GPSM1: variants seen among roughly 807,000 people sequenced by gnomAD.
GPSM1 encodes the protein G protein signaling modulator 1.
Under a neutral mutation model 70.5 loss-of-function variants are expected in GPSM1, and 48 were observed. The ratio of observed to expected loss-of-function variants is 0.68; its 90% confidence interval spans 0.54 to 0.87. GPSM1 has a LOEUF of 0.87. Ranked by LOEUF, GPSM1 falls within the 40% of genes least tolerant of loss-of-function variation. GPSM1 has a pLI of 0.00. For missense variants in GPSM1, 981 were observed against 972.6 expected, an observed-to-expected ratio of 1.01 and a Z score of -0.11; for synonymous variants, 416 against 430.1, an observed-to-expected ratio of 0.97 and a Z score of 0.41.
intron 1 of GPSM1, among the ~76,000 whole-genome samples, chr9:136,331,332 C>CA: frequency 6.7e-6 from 1 of 149,694 alleles, no homozygotes; most frequent in Non-Finnish European, 1.5e-5. Flanking sequence ...GAGGGCCCGG[C>CA]AGACGTGGGG....
intron 9 of GPSM1, among the ~76,000 whole-genome samples, chr9:136,346,001 G>A (rs28666056): frequency 0.046 from 7,042 of 152,282 alleles, 556 homozygotes; most frequent in African/African-American, 0.16. Flanking sequence ...CCCTGATCCC[G>A]CTGACCACTG....
Position 136,336,578 on chromosome 9 carries a change from AC to A in GPSM1, c.427-337del, listed in dbSNP as rs1288380525. 5.8e-4 allele frequency among the ~76,000 whole-genome samples: 88 copies of A among 151,346 alleles called. 1 individual carries two copies. Among genetic ancestry groups the A allele is most frequent in the African/African-American group, 2.0e-3 (83 of 41,184 alleles). Reference sequence around the variant, plus strand: ...AACCAAGGCTGGGGGGACGTGACTTACCCCCCGTCACACAGCTGGAGGTGAC... The same window carrying A: ...AACCAAGGCTGGGGGGACGTGACTTACCCCCGTCACACAGCTGGAGGTGAC... On this transcript the variant is annotated intron_variant, in intron 3 of 13. Transcript: ENST00000440944.
At chr9:136,354,959 A>C (rs1337170838) in intron 11 of GPSM1, 13 of 1,033,954 alleles carry the variant, frequency 1.3e-5, no homozygotes, top group Non-Finnish European at 1.5e-5. Flanking sequence ...TGACGGACAG[A>C]GGCCTGGACT....
At chr9:136,345,145 G>A (rs1406630080) in intron 9 of GPSM1, among the ~76,000 whole-genome samples, 12 of 152,198 alleles carry the variant, frequency 7.9e-5, no homozygotes, top group Non-Finnish European at 5.9e-5. Flanking sequence ...GGCGGGTGCT[G>A]CCCTGAGGGG....
In GPSM1 at chr9:136,342,566, G is replaced by A. The variant is rs551141889; in HGVS notation, c.1207+1573G>A. Among the ~76,000 whole-genome samples the A allele has an allele frequency of 2.6e-3, 390 of 152,212 alleles. 2 individuals carry two copies. Among genetic ancestry groups the A allele is most frequent in the African/African-American group, 8.8e-3 (367 of 41,566 alleles). On this transcript the variant is annotated intron_variant, in intron 9 of 13. Coordinates refer to ENST00000440944, the MANE Select transcript of GPSM1 (RefSeq NM_001145638.3). This position sits in a 1 kb window ranked among gnomAD's most constrained non-coding sequence, Gnocchi z 5.5. ...TGGCTGGGGCCGCCGCCCGGCTGCC[G>A]CTGTGGGAGGCAGGCTGCACACCTA... is the stretch of plus-strand genomic sequence containing the variant.
chr9:136,349,488 T>A, intron 10 of GPSM1, 99 bp from the exon 11 acceptor site: 1 of 1,073,016 alleles, frequency 9.3e-7, no homozygotes, highest in Admixed American at 2.5e-5. Flanking sequence ...ACGGCGTGCA[T>A]CCATGAAATG....
At chr9:136,336,772 C>T (rs1342897381) in intron 3 of GPSM1, 149 bp from the exon 4 acceptor site, 1 of 758,750 alleles carries the variant, frequency 1.3e-6, no homozygotes, top group Non-Finnish European at 2.1e-6. Context: ...CCTCAGGCTT[C>T]CGCCCCTGCC....
chr9:136,338,142 G>A (rs185252184), intron 6 of GPSM1, among the ~76,000 whole-genome samples, 181 bp downstream of exon 6: 231 of 152,332 alleles, frequency 1.5e-3, no homozygotes, highest in Admixed American at 3.3e-3. Context: ...GGAGGCAGGC[G>A]GTGGGGGAGC....
At chr9:136,331,585 A>G (rs1367235130) in intron 1 of GPSM1, among the ~76,000 whole-genome samples, 1 of 152,188 alleles carries the variant, frequency 6.6e-6, no homozygotes, top group Non-Finnish European at 1.5e-5. Flanking sequence ...TCTGGACGCC[A>G]TTCCTCTTTC....
intron 11 of GPSM1, chr9:136,353,034 G>A (rs1156322408): frequency 2.6e-5 from 25 of 952,964 alleles, no homozygotes; most frequent in South Asian, 4.8e-5. Context: ...CAGCATTGAG[G>A]CAGCACTTGG....
intron 9 of GPSM1, among the ~76,000 whole-genome samples, chr9:136,348,253 C>G (rs1047122302): frequency 1.3e-5 from 2 of 152,188 alleles, no homozygotes; most frequent in Admixed American, 1.3e-4. Context: ...TGGGAGTGGA[C>G]CCACAGGCCC....
Position 136,352,209 on chromosome 9 carries a change from TTGCTGTTGGTG to T in GPSM1, c.1455+2447_1455+2457del, listed in dbSNP as rs1564355328. Among the ~76,000 whole-genome samples, 5 of 50,090 alleles carry T rather than the reference TTGCTGTTGGTG, an allele frequency of 1.0e-4. 1 individual carries two copies. Among genetic ancestry groups the T allele is most frequent in the East Asian group, 2.5e-3 (2 of 810 alleles). The allele number at this position is 50,090 out of a possible 152,430, so 32.9% of individuals were successfully genotyped here. On this transcript the variant is annotated intron_variant, in intron 11 of 13. Coordinates refer to ENST00000440944, the MANE Select transcript of GPSM1 (RefSeq NM_001145638.3). ...TGTTGGTGACACCGATGCTGCGCCG[TTGCTGTTGGTG>T]ACACCGATGCTGCGCCGTTGCTGTT... is the stretch of plus-strand genomic sequence containing the variant.
Position 136,340,757 on chromosome 9 carries a change from C to G in GPSM1, c.1084-113C>G, listed in dbSNP as rs1832367942. ...GAGGCCCAGGGGTCAGTGACCAGTT[C>G]AGGTCACTCAGAAGGTCAGGGACGG... On this transcript the variant is annotated intron_variant, in intron 8 of 13. Transcript: ENST00000440944. The surrounding 1 kb of genome is among the most constrained non-coding windows in gnomAD (Gnocchi z 7.3). 1.6e-5 allele frequency: 23 copies of G among 1,406,706 alleles called. No homozygotes were observed. Among genetic ancestry groups the G allele is most frequent in the Non-Finnish European group, 2.2e-5 (23 of 1,066,602 alleles). 87.1% of individuals were successfully genotyped at this position (1,406,706 alleles called of 1,614,324 possible).
At chr9:136,348,518 G>A (rs1362228434) in intron 9 of GPSM1, among the ~76,000 whole-genome samples, 179 bp from the exon 10 acceptor site, 6 of 152,232 alleles carry the variant, frequency 3.9e-5, no homozygotes, top group African/African-American at 1.4e-4. Context: ...CTTTGACTCT[G>A]ACAGTACAGT....
Position 136,337,513 on chromosome 9 carries a change from CA to C in GPSM1, c.652del (p.Thr218ProfsTer132). 6.4e-7 allele frequency: 1 copy of C among 1,561,302 alleles called. No individual in the cohort carries two copies. The highest frequency in any genetic ancestry group is 8.7e-7 in the Non-Finnish European group (1 of 1,152,668). ...QGRAYGNLGN[T>X]HYLLGNFTEA... ...GCAGGGCCTACGGCAACCTGGGCAA[CA>C]CCCACTATTTGTTGGGGAACTTCAC... On this transcript the variant is annotated frameshift_variant, in exon 5 of 14. Transcript: ENST00000440944. LOFTEE classifies it high-confidence loss of function.
chr9:136,357,100 C>T (rs2131418932), intron 13 of GPSM1, among the ~76,000 whole-genome samples: 1 of 152,326 alleles, frequency 6.6e-6, no homozygotes, highest in East Asian at 1.9e-4. Flanking sequence ...GAATGACCTC[C>T]TCATCTGTGT....
rs1554768905 is a variant in GPSM1, at chr9:136,334,518, G to C, written c.140G>C (p.Gly47Ala). The change falls in exon 2 of 14, where the codon GGC becomes GCC. Residue 47 changes from glycine (G) to alanine (A), a missense_variant. Physicochemically the swap from Gly to Ala is moderately conservative, Grantham distance 60 (BLOSUM62 0). Coordinates refer to ENST00000440944, the MANE Select transcript of GPSM1 (RefSeq NM_001145638.3). ...RLCKAGDFKT[G>A]VAFFEAAVQV... ...TGCAAGGCGGGCGACTTCAAGACAG[G>C]CGTGGCCTTCTTTGAGGCTGCTGTG... 2 of 1,613,362 alleles carry C rather than the reference G, an allele frequency of 1.2e-6. No homozygotes were observed. Among genetic ancestry groups the C allele is most frequent in the Non-Finnish European group, 1.7e-6 (2 of 1,179,962 alleles).
Position 136,340,340 on chromosome 9 carries a change from T to G in GPSM1, c.1083+525T>G, listed in dbSNP as rs1348403594. ...TGGGAAGGTCAGCAGAGCCCTCGTC[T>G]GAAGAGCTTCACTGGCAGCCAGCAG... On this transcript the variant is annotated intron_variant, in intron 8 of 13. Coordinates refer to ENST00000440944, the MANE Select transcript of GPSM1 (RefSeq NM_001145638.3). This position sits in a 1 kb window ranked among gnomAD's most constrained non-coding sequence, Gnocchi z 7.3. 6.6e-6 allele frequency among the ~76,000 whole-genome samples: 1 copy of G among 152,070 alleles called. No homozygotes were observed. The highest frequency in any genetic ancestry group is 2.4e-5 in the African/African-American group (1 of 41,394).
At chr9:136,335,444 C>T (rs1026458722) in intron 2 of GPSM1, among the ~76,000 whole-genome samples, 3 of 152,154 alleles carry the variant, frequency 2.0e-5, no homozygotes, top group Non-Finnish European at 4.4e-5. Flanking sequence ...CGCCCTCCCC[C>T]TCAGCCCTGC....
Sources: gnomAD v4.1 joint callset for allele counts (sites outside exome capture counted in the v4.1 genomes callset) on GRCh38, gnomAD v4.1.1 for gene constraint, Gnocchi (gnomAD v3.1) non-coding constraint, MANE v1.5 for transcripts, NCBI Gene and HGNC (gene_info 2026-07-23, HGNC 2026-07-21) for gene names.